Variants in ALDH1A2 observed in about 807,000 individuals in gnomAD.
The protein encoded by ALDH1A2 is retinal dehydrogenase 2.
A neutral mutation model predicts 60.3 loss-of-function variants in ALDH1A2; 27 were observed. The ratio of observed to expected loss-of-function variants is 0.45; its 90% CI spans 0.33 to 0.62. The LOEUF (loss-of-function observed/expected upper bound fraction) is 0.62, where lower values mean the gene tolerates loss of function less well. Ranked by LOEUF, ALDH1A2 falls within the 20% of genes least tolerant of loss-of-function variation. The pLI is 0.02. For synonymous variants in ALDH1A2, 289 were observed against 232.4 expected (o/e 1.24, Z -2.21); for missense variants, 581 against 643.8 (o/e 0.90, Z 1.06).
chr15:58,030,196 C>A (rs1161058220), intron 1 of ALDH1A2, among the ~76,000 whole-genome samples: 3 of 152,184 alleles, frequency 2.0e-5, no homozygotes, highest in Admixed American at 2.0e-4. Context: ...CCAACACAAT[C>A]AAGTTGGCTT....
Position 58,012,631 on chromosome 15 carries a change from T to C in ALDH1A2, c.363+1227A>G, listed in dbSNP as rs191331899. 1.6e-3 allele frequency among the ~76,000 whole-genome samples: 249 copies of C among 152,290 alleles called. 1 individual carries two copies. The highest frequency in any genetic ancestry group is 0.011 in the Admixed American group (163 of 15,288). ...AACACCTCATTGGAAGAGTATTCCC[T>C]AGAGTGCCAGATTAGAAAATATTTT... On this transcript the variant is annotated intron_variant, in intron 3 of 12. Coordinates refer to ENST00000249750, the MANE Select transcript of ALDH1A2 (RefSeq NM_003888.4).
rs1297376558 is a variant in ALDH1A2, at chr15:57,953,807, T to C, written c.*1390A>G. Reference sequence around the variant, plus strand: ...TCCACATACTCTGGGTTATGTTTGGTACTTTTAAATAAATGATCTGCATTT... The same window carrying C: ...TCCACATACTCTGGGTTATGTTTGGCACTTTTAAATAAATGATCTGCATTT... On this transcript the variant is annotated 3_prime_UTR_variant, in exon 13 of 13. Transcript: ENST00000249750. 1.3e-5 allele frequency: 2 copies of C among 152,358 alleles called. No homozygotes were observed. The highest frequency in any genetic ancestry group is 2.9e-5 in the Non-Finnish European group (2 of 68,042). 9.4% of individuals were successfully genotyped at this position (152,358 alleles called of 1,614,324 possible). A position where few individuals can be genotyped will look rare whatever the true frequency, so the allele number is the denominator to read the frequency against.
chr15:58,000,363 C>T (rs1309627544), intron 4 of ALDH1A2, among the ~76,000 whole-genome samples: 2 of 151,916 alleles, frequency 1.3e-5, no homozygotes, highest in African/African-American at 4.8e-5. Flanking sequence ...AAGTCATTCA[C>T]AGCTACTAAG....
rs553291649 is a variant in ALDH1A2 at position 58,022,750 on chromosome 15, G to A, written c.118-8469C>T. On this transcript the variant is annotated intron_variant, in intron 1 of 12. Coordinates refer to ENST00000249750, the MANE Select transcript of ALDH1A2 (RefSeq NM_003888.4). ...CAAGGAAATCACAGATATCACTGAT[G>A]TTGTTTACTGCCAAAGAAATCATAT... 9.6e-4 allele frequency among the ~76,000 whole-genome samples: 146 copies of A among 152,266 alleles called. 1 individual carries two copies. The highest frequency in any genetic ancestry group is 3.3e-3 in the African/African-American group (136 of 41,556).
intron 1 of ALDH1A2, among the ~76,000 whole-genome samples, chr15:58,029,674 G>C (rs1332950571): frequency 6.6e-6 from 1 of 150,376 alleles, no homozygotes; most frequent in Non-Finnish European, 1.5e-5. Context: ...ATAAAAAAGA[G>C]AGAAAAATCA....
intron 1 of ALDH1A2, among the ~76,000 whole-genome samples, chr15:58,033,724 G>C (rs1896303673): frequency 6.8e-6 from 1 of 147,446 alleles, no homozygotes; most frequent in African/African-American, 2.5e-5. Flanking sequence ...AGTTTTTCCA[G>C]CATGATTTGT....
chr15:58,007,798 A>G (rs1227228886), intron 4 of ALDH1A2, among the ~76,000 whole-genome samples: 1 of 49,152 alleles, frequency 2.0e-5, no homozygotes, highest in Non-Finnish European at 4.6e-5. Context: ...CTTCACTGTG[A>G]AAAAAAAAAA....
intron 1 of ALDH1A2, among the ~76,000 whole-genome samples, chr15:58,041,215 C>T (rs1896511088): frequency 6.6e-6 from 1 of 151,900 alleles, no homozygotes; most frequent in Non-Finnish European, 1.5e-5. Flanking sequence ...AACATTTATA[C>T]AACACCACCA....
At chr15:57,957,595 C>T (rs114434165) in intron 12 of ALDH1A2, among the ~76,000 whole-genome samples, 1,937 of 152,210 alleles carry the variant, frequency 0.013, 45 homozygotes, top group African/African-American at 0.044. Context: ...CTGATGCAGC[C>T]CAATCTCTCT....
chr15:58,033,672 T>A (rs550920381), intron 1 of ALDH1A2, among the ~76,000 whole-genome samples: 1 of 140,812 alleles, frequency 7.1e-6, no homozygotes, highest in East Asian at 2.3e-4. Context: ...GTAAGTTCAG[T>A]GTTAGGACTC....
chr15:58,000,420 G>C (rs1895225100), intron 4 of ALDH1A2, among the ~76,000 whole-genome samples: 1 of 151,868 alleles, frequency 6.6e-6, no homozygotes, highest in East Asian at 1.9e-4. Flanking sequence ...GTTACCGTAA[G>C]ACCAGTTATA....
intron 7 of ALDH1A2, among the ~76,000 whole-genome samples, chr15:57,983,320 C>T (rs1305702432): frequency 1.3e-5 from 2 of 152,260 alleles, no homozygotes; most frequent in East Asian, 1.9e-4. Context: ...TCAAATAACA[C>T]ATTGTGAGTC....
chr15:58,065,703 G>T lies in ALDH1A2; in HGVS notation c.-53C>A. The T allele has an allele frequency of 7.8e-7, 1 of 1,284,150 alleles. No individual in the cohort carries two copies. Among genetic ancestry groups the T allele is most frequent in the Non-Finnish European group, 1.1e-6 (1 of 944,552 alleles). 79.5% of individuals were successfully genotyped at this position (1,284,150 alleles called of 1,614,324 possible). ...CGGCGTGGGGCAGTGCGGGCTGTGC[G>T]CGCGGTCCGCGGCCCGGGGGCGCGC... On this transcript the variant is annotated 5_prime_UTR_variant, in exon 1 of 13. Transcript: ENST00000249750.
At chr15:58,025,553 A>G (rs1269173027) in intron 1 of ALDH1A2, among the ~76,000 whole-genome samples, 1 of 152,214 alleles carries the variant, frequency 6.6e-6, no homozygotes, top group Non-Finnish European at 1.5e-5. Flanking sequence ...CCAAGACAAG[A>G]ATCCAGCCAA....
At chr15:58,031,678 C>G (rs1039475640) in intron 1 of ALDH1A2, among the ~76,000 whole-genome samples, 2 of 151,894 alleles carry the variant, frequency 1.3e-5, no homozygotes, top group Non-Finnish European at 2.9e-5. Flanking sequence ...AAAACAACCC[C>G]AACAAAAAGT....
intron 1 of ALDH1A2, among the ~76,000 whole-genome samples, chr15:58,034,978 G>A (rs887472123): frequency 6.6e-6 from 1 of 151,578 alleles, no homozygotes; most frequent in Admixed American, 6.6e-5. Context: ...GGGTAACGAT[G>A]GCCTCATAAA....
At chr15:58,026,147 T>C (rs1896074626) in intron 1 of ALDH1A2, among the ~76,000 whole-genome samples, 1 of 152,114 alleles carries the variant, frequency 6.6e-6, no homozygotes, top group Admixed American at 6.6e-5. Context: ...TACAAGCCAA[T>C]ATCCCTGATG....
In ALDH1A2 at chr15:57,961,352, C is replaced by T. The variant is rs4646633; in HGVS notation, c.1252-58G>A. 3.2e-3 allele frequency: 5,027 copies of T among 1,587,204 alleles called. 92 individuals are homozygous for T. In the East Asian group the frequency reaches 0.034, roughly 11 times the overall value. On this transcript the variant is annotated intron_variant, in intron 10 of 12. Coordinates refer to ENST00000249750, the MANE Select transcript of ALDH1A2 (RefSeq NM_003888.4). Reference sequence around the variant, plus strand: ...CTCTGTCATTCCTTTACCTGCTTTCCACATTTCAATGCAAGTTTACTCTGC... The same window carrying T: ...CTCTGTCATTCCTTTACCTGCTTTCTACATTTCAATGCAAGTTTACTCTGC...
intron 1 of ALDH1A2, 191 bp from the exon 2 acceptor site, chr15:58,014,472 T>A (rs1317911179): frequency 7.8e-6 from 5 of 640,118 alleles, no homozygotes; most frequent in Non-Finnish European, 1.4e-5. Context: ...TGCTTTAACA[T>A]CATCCAAAGG....
Sources: allele counts gnomAD v4.1 joint callset (sites outside exome capture counted in the v4.1 genomes callset), GRCh38; gene constraint gnomAD v4.1.1; transcripts MANE v1.5; gene names NCBI Gene and HGNC (gene_info 2026-07-23, HGNC 2026-07-21).